The following ASTL variants were observed in gnomAD, a reference collection of about 807,000 sequenced individuals.
The protein encoded by ASTL is astacin-like metalloendopeptidase.
ASTL carries 27 observed loss-of-function variants against 36.7 expected under a neutral mutation model. The observed-to-expected ratio is 0.73, with a 90% confidence interval of 0.54 to 1.01. ASTL has a LOEUF of 1.01. Ranked by LOEUF, ASTL falls within the 50% of genes least tolerant of loss-of-function variation. ASTL has a pLI of 0.00. For synonymous variants in ASTL, 222 were observed against 228.1 expected (o/e 0.97, Z 0.24); for missense variants, 524 against 572.8 (o/e 0.91, Z 0.87).
chr2:96,133,538 C>G lies in ASTL; in HGVS notation c.342G>C (p.Glu114Asp). 6.2e-7 allele frequency: 1 copy of G among 1,613,276 alleles called. No homozygotes were observed. The highest frequency in any genetic ancestry group is 8.5e-7 in the Non-Finnish European group (1 of 1,179,250). ...CCTCCAGGATGACCTGGCGGCTGGG[C>G]TCATCTGGAAGACACCACCTGGCTG... The part of the protein sequence containing the change: ...VPFLLSSKYD[E>D]PSRQVILEAL... The change falls in exon 5 of 9, where the codon GAG becomes GAC. Residue 114 changes from glutamate (E) to aspartate (D), a missense_variant. Transcript: ENST00000342380.
intron 8 of ASTL, among the ~76,000 whole-genome samples, chr2:96,128,877 T>G (rs1402388949): frequency 6.6e-6 from 1 of 152,086 alleles, no homozygotes; most frequent in African/African-American, 2.4e-5. Flanking sequence ...CTGTCCCCAC[T>G]AAAAATACAA....
intron 8 of ASTL, among the ~76,000 whole-genome samples, chr2:96,128,797 C>T (rs1272799816): frequency 1.3e-5 from 2 of 152,128 alleles, no homozygotes; most frequent in East Asian, 1.9e-4. Flanking sequence ...CCCTGTCAAT[C>T]GGGAGGCCAA....
At chr2:96,136,807 A>G (rs370825193) in intron 2 of ASTL, among the ~76,000 whole-genome samples, 4 of 152,054 alleles carry the variant, frequency 2.6e-5, no homozygotes, top group African/African-American at 9.7e-5. Flanking sequence ...ATACACCCTC[A>G]TTCCTCAGCT....
intron 3 of ASTL, 39 bp from the exon 4 acceptor site, chr2:96,134,097 G>A (rs1451989316): frequency 6.9e-7 from 1 of 1,449,492 alleles, no homozygotes; most frequent in Non-Finnish European, 9.7e-7. Context: ...GGGGACAGAG[G>A]CCACCCAAGC....
rs550429887 is a variant in ASTL, at chr2:96,137,782, G to C, written c.56-82C>G. The C allele has an allele frequency of 1.5e-3, 2,179 of 1,426,190 alleles. 3 individuals are homozygous for C. The highest frequency in any genetic ancestry group is 1.9e-3 in the Non-Finnish European group (2,006 of 1,037,164). The allele number at this position is 1,426,190 out of a possible 1,614,324, so 88.3% of individuals were successfully genotyped here. ...AGACAGCAGGACATGGGGTGGGTGTGGGGGATCAGACGGTAAGACTCAGTC... is the reference window on the plus strand; with the variant it reads ...AGACAGCAGGACATGGGGTGGGTGTCGGGGATCAGACGGTAAGACTCAGTC... On this transcript the variant is annotated intron_variant, in intron 1 of 8. Transcript: ENST00000342380.
At chr2:96,134,902 C>T (rs890206411) in intron 3 of ASTL, among the ~76,000 whole-genome samples, 8 of 152,228 alleles carry the variant, frequency 5.3e-5, no homozygotes, top group African/African-American at 1.2e-4. Context: ...CCTTCAGATG[C>T]GGCCCCTCGA....
chr2:96,135,552 C>A, intron 2 of ASTL, 140 bp from the exon 3 acceptor site: 1 of 728,020 alleles, frequency 1.4e-6, no homozygotes, highest in East Asian at 2.7e-5. Context: ...TCTTAAATAG[C>A]CTGATAAAAG....
Position 96,138,388 on chromosome 2 carries a change from A to T in ASTL, c.49T>A (p.Leu17Met), listed in dbSNP as rs780915411. The change falls in exon 1 of 9, where the codon TTG (leucine) becomes ATG (methionine). Residue 17 changes from leucine (L) to methionine (M), a missense_variant. Transcript: ENST00000342380. ...LWPWVLGLLS[L>M]PGVILGAPLA... is the part of the protein sequence containing the mutation. Reference sequence around the variant, plus strand: ...GGACAGGCAGCCAGCTTACCTGGCAAGGAGAGCAGACCCAGCACCCAAGGC... The same window carrying T: ...GGACAGGCAGCCAGCTTACCTGGCATGGAGAGCAGACCCAGCACCCAAGGC... 9.3e-6 allele frequency: 15 copies of T among 1,609,612 alleles called. No individual in the cohort carries two copies. The highest frequency in any genetic ancestry group is 5.3e-5 in the African/African-American group (4 of 74,830).
intron 8 of ASTL, among the ~76,000 whole-genome samples, chr2:96,128,780 A>T (rs1682111335): frequency 6.6e-6 from 1 of 152,338 alleles, no homozygotes; most frequent in African/African-American, 2.4e-5. Flanking sequence ...TAAAAACTTT[A>T]TAATCACCCT....
chr2:96,124,132 C>T lies in ASTL; in HGVS notation c.1014G>A (p.Gly338=). 1 of 1,585,758 alleles carries T rather than the reference C, an allele frequency of 6.3e-7. No individual in the cohort carries two copies. Among genetic ancestry groups the T allele is most frequent in the Non-Finnish European group, 8.6e-7 (1 of 1,164,628 alleles). Residue 338 remains glycine, a synonymous_variant, in exon 9 of 9, where the codon GGG becomes GGA. Transcript: ENST00000342380. The surrounding 1 kb of genome is among the most constrained non-coding windows in gnomAD (Gnocchi z 4.1). ...CCCACCCATGTGGGCTCTCCCCAGG[C>T]CCTGCAGGAACGGGCTGGCCTCCCG... The part of the protein sequence containing the change: ...SSAGGQPVPA[G]PGESPHGWES...
chr2:96,132,454 C>T lies in ASTL; in HGVS notation c.637+86G>A. 7.8e-7 allele frequency: 1 copy of T among 1,282,382 alleles called. No individual in the cohort carries two copies. The highest frequency in any genetic ancestry group is 1.1e-6 in the Non-Finnish European group (1 of 931,190). 79.4% of individuals were successfully genotyped at this position (1,282,382 alleles called of 1,614,324 possible). On this transcript the variant is annotated intron_variant, in intron 6 of 8. Coordinates refer to ENST00000342380, the MANE Select transcript of ASTL (RefSeq NM_001002036.4). This position sits in a 1 kb window ranked among gnomAD's most constrained non-coding sequence, Gnocchi z 5.4. The stretch of plus-strand genomic sequence containing the variant: ...GCAGGTGATGGGGAGGATGGATAGC[C>T]TCACCCATGGGGACCAGGCGACTTG...
At chr2:96,136,931 G>A (rs1262069188) in intron 2 of ASTL, among the ~76,000 whole-genome samples, 4 of 152,098 alleles carry the variant, frequency 2.6e-5, no homozygotes, top group Non-Finnish European at 4.4e-5. Context: ...TGCAAGCTCC[G>A]CCTCCCAGGT....
In ASTL at chr2:96,124,115, T is replaced by C. The variant is rs779094841; in HGVS notation, c.1031A>G (p.His344Arg). ...TTTCAGGGCAGGGGACTCCCACCCATGTGGGCTCTCCCCAGGCCCTGCAGG... is the reference window on the plus strand; with the variant it reads ...TTTCAGGGCAGGGGACTCCCACCCACGTGGGCTCTCCCCAGGCCCTGCAGG... ...PVPAGPGESP[H>R]GWESPALKKL... The change falls in exon 9 of 9, where the codon CAT (histidine) becomes CGT (arginine). Residue 344 changes from histidine to arginine, a missense_variant. His to Arg is a conservative substitution (Grantham distance 29). Coordinates refer to ENST00000342380, the MANE Select transcript of ASTL (RefSeq NM_001002036.4). The surrounding 1 kb of genome is among the most constrained non-coding windows in gnomAD (Gnocchi z 4.1). 1.8e-5 allele frequency: 29 copies of C among 1,601,232 alleles called. No homozygotes were observed. Among genetic ancestry groups the C allele is most frequent in the Non-Finnish European group, 2.4e-5 (28 of 1,172,072 alleles).
Position 96,124,502 on chromosome 2 carries a change from T to C in ASTL, c.875-231A>G, listed in dbSNP as rs895885133. ...CATCAGAATGTCAGTCCACTCAGGC[T>C]TCCACCACTGCCCCATTCACACCCG... On this transcript the variant is annotated intron_variant, in intron 8 of 8. Transcript: ENST00000342380. The surrounding 1 kb of genome is among the most constrained non-coding windows in gnomAD (Gnocchi z 4.1). Among the ~76,000 whole-genome samples, 1 of 152,050 alleles carries C rather than the reference T, an allele frequency of 6.6e-6. No individual in the cohort carries two copies. Among genetic ancestry groups the C allele is most frequent in the Non-Finnish European group, 1.5e-5 (1 of 67,998 alleles).
Position 96,135,174 on chromosome 2 carries a change from G to T in ASTL, c.243+177C>A, listed in dbSNP as rs546214913. Reference sequence around the variant, plus strand: ...GATACCAGCCTTCCTTAGCATTCAGGCTGGCTTATTCCTATTTCCTAACAG... The same window carrying T: ...GATACCAGCCTTCCTTAGCATTCAGTCTGGCTTATTCCTATTTCCTAACAG... On this transcript the variant is annotated intron_variant, in intron 3 of 8. Coordinates refer to ENST00000342380, the MANE Select transcript of ASTL (RefSeq NM_001002036.4). 5.3e-4 allele frequency among the ~76,000 whole-genome samples: 80 copies of T among 152,368 alleles called. 1 individual carries two copies. Among genetic ancestry groups the T allele is most frequent in the Admixed American group, 4.0e-3 (61 of 15,300 alleles).
At chr2:96,127,263 T>G (rs1682083194) in intron 8 of ASTL, among the ~76,000 whole-genome samples, 1 of 152,140 alleles carries the variant, frequency 6.6e-6, no homozygotes, top group Admixed American at 6.5e-5. Flanking sequence ...GAGAGGGCAT[T>G]TGCATGCAAG....
Position 96,124,334 on chromosome 2 carries a change from G to T in ASTL, c.875-63C>A. On this transcript the variant is annotated intron_variant, in intron 8 of 8. Transcript: ENST00000342380. The surrounding 1 kb of genome is among the most constrained non-coding windows in gnomAD (Gnocchi z 4.1). ...GTAGGATGACATGTGGCCCAGCTGT[G>T]CGGACCCAGAGCTGGCTCAGCTCAC... is the stretch of plus-strand genomic sequence containing the variant. The T allele has an allele frequency of 7.1e-7, 1 of 1,412,304 alleles. No homozygotes were observed. The highest frequency in any genetic ancestry group is 1.7e-5 in the South Asian group (1 of 60,208). The allele number at this position is 1,412,304 out of a possible 1,614,324, so 87.5% of individuals were successfully genotyped here. A position where few individuals can be genotyped will look rare whatever the true frequency, so the allele number is the denominator to read the frequency against.
chr2:96,136,107 G>A (rs980268306), intron 2 of ASTL, among the ~76,000 whole-genome samples: 4 of 152,198 alleles, frequency 2.6e-5, no homozygotes, highest in Admixed American at 2.6e-4. Flanking sequence ...CCTGAGCCGG[G>A]TCTCCCACAA....
At position 96,137,652 on chromosome 2, in the gene ASTL, C is replaced by T; in HGVS notation, c.104G>A (p.Gly35Asp). ...PLASSCAGAC[G>D]TSFPDGLTPE... is the part of the protein sequence containing the mutation. The stretch of plus-strand genomic sequence containing the variant: ...GGTGAGGCCATCTGGGAAGCTGGTA[C>T]CACAGGCTCCTGCGCAGCTGGAGGC... The change falls in exon 2 of 9, where the codon GGT (glycine) becomes GAT (aspartate). Residue 35 changes from glycine to aspartate, a missense_variant. Gly to Asp is a moderately conservative substitution (Grantham distance 94). Coordinates refer to ENST00000342380, the MANE Select transcript of ASTL (RefSeq NM_001002036.4). The T allele has an allele frequency of 6.2e-7, 1 of 1,613,896 alleles. No individual in the cohort carries two copies. The highest frequency in any genetic ancestry group is 8.5e-7 in the Non-Finnish European group (1 of 1,179,886).
Sources: allele counts gnomAD v4.1 joint callset (sites outside exome capture counted in the v4.1 genomes callset), GRCh38; gene constraint gnomAD v4.1.1; non-coding constraint Gnocchi (gnomAD v3.1); transcripts MANE v1.5; gene names NCBI Gene and HGNC (gene_info 2026-07-23, HGNC 2026-07-21).